Variants in ANKS1B observed in about 807,000 individuals in gnomAD.
ANKS1B encodes ankyrin repeat and sterile alpha motif domain-containing protein 1B.
ANKS1B carries 36 observed loss-of-function variants against 148.3 expected under a neutral mutation model. That is an observed-to-expected ratio of 0.24 (90% CI 0.19 to 0.32). The LOEUF is 0.32. ANKS1B is among the 10% of genes least tolerant of loss of function. ANKS1B has a pLI of 1.00. For missense variants in ANKS1B, 1,157 were observed against 1,542.6 expected (o/e 0.75, Z 4.19); for synonymous variants, 542 against 560.8 (o/e 0.97, Z 0.47).
chr12:99,982,135 T>C (rs1438111216), intron 1 of ANKS1B, among the ~76,000 whole-genome samples: 1 of 152,122 alleles, frequency 6.6e-6, no homozygotes, highest in South Asian at 2.1e-4. Flanking sequence ...TGGTTCGAAG[T>C]ACTCTAATAA....
intron 14 of ANKS1B, among the ~76,000 whole-genome samples, chr12:99,217,131 A>C (rs2084331744): frequency 6.6e-6 from 1 of 152,028 alleles, no homozygotes; most frequent in Non-Finnish European, 1.5e-5. Context: ...AGATAAGCAA[A>C]TTTTTATCTT....
At chr12:99,889,157 G>A (rs187210733) in intron 1 of ANKS1B, among the ~76,000 whole-genome samples, 1 of 152,218 alleles carries the variant, frequency 6.6e-6, no homozygotes, top group African/African-American at 2.4e-5. Context: ...TCACTTTATG[G>A]AGGAAGCACT....
At chr12:99,597,148 G>C (rs2097764939) in intron 9 of ANKS1B, among the ~76,000 whole-genome samples, 1 of 151,578 alleles carries the variant, frequency 6.6e-6, no homozygotes, top group Non-Finnish European at 1.5e-5. Context: ...ATTGTAATCT[G>C]TATTGCTCTA....
chr12:99,981,586 C>T (rs1474993866), intron 1 of ANKS1B, among the ~76,000 whole-genome samples: 2 of 152,060 alleles, frequency 1.3e-5, no homozygotes, highest in East Asian at 3.9e-4. Flanking sequence ...GTGAATAAAA[C>T]AGATTCAATG....
At chr12:99,393,127 T>TAGATAGATAGAC (rs1555414121) in intron 12 of ANKS1B, among the ~76,000 whole-genome samples, 21 of 151,826 alleles carry the variant, frequency 1.4e-4, no homozygotes, top group East Asian at 7.8e-4. Flanking sequence ...GATAGATAGA[T>TAGATAGATAGAC]AGACAGATAG....
chr12:99,163,551 T>C (rs556068111), intron 14 of ANKS1B, among the ~76,000 whole-genome samples: 2 of 151,464 alleles, frequency 1.3e-5, no homozygotes, highest in African/African-American at 2.4e-5. Flanking sequence ...GTGGCCATCA[T>C]CACAGTCGAG....
intron 14 of ANKS1B, among the ~76,000 whole-genome samples, chr12:99,199,365 C>T (rs1238337806): frequency 2.0e-5 from 3 of 152,090 alleles, no homozygotes; most frequent in Non-Finnish European, 2.9e-5. Flanking sequence ...TGTTGTTAGC[C>T]GTGGTTTTTT....
At chr12:99,377,727 GT>G (rs2093449333) in intron 12 of ANKS1B, among the ~76,000 whole-genome samples, 1 of 152,126 alleles carries the variant, frequency 6.6e-6, no homozygotes, top group South Asian at 2.1e-4. Context: ...ATTTGTTTAT[GT>G]TTAAAAATGT....
chr12:99,686,725 A>T (rs932129385), intron 8 of ANKS1B, among the ~76,000 whole-genome samples: 3 of 152,154 alleles, frequency 2.0e-5, no homozygotes, highest in African/African-American at 7.2e-5. Context: ...CTTCACACAT[A>T]CTATGAAAAC....
intron 17 of ANKS1B, among the ~76,000 whole-genome samples, chr12:98,984,603 A>C (rs1465540874): frequency 6.6e-6 from 1 of 152,232 alleles, no homozygotes; most frequent in Non-Finnish European, 1.5e-5. Context: ...TGGCCACTAC[A>C]TAACAAGACT....
intron 1 of ANKS1B, among the ~76,000 whole-genome samples, chr12:99,862,470 TAA>T (rs1464512234): frequency 6.6e-6 from 1 of 152,214 alleles, no homozygotes; most frequent in Non-Finnish European, 1.5e-5. Flanking sequence ...TCCTATGCTA[TAA>T]AATACTTCTT....
intron 10 of ANKS1B, among the ~76,000 whole-genome samples, chr12:99,482,284 G>T (rs551992142): frequency 2.0e-5 from 3 of 151,986 alleles, no homozygotes; most frequent in East Asian, 3.9e-4. Flanking sequence ...ATTAAATAGG[G>T]TGTCCATTCC....
At chr12:99,157,327 T>G (rs1566509465) in intron 14 of ANKS1B, among the ~76,000 whole-genome samples, 1 of 152,172 alleles carries the variant, frequency 6.6e-6, no homozygotes, top group East Asian at 1.9e-4. Flanking sequence ...TATAAATAGT[T>G]GAATATACTA....
Position 99,403,423 on chromosome 12 carries a change from C to T in ANKS1B, c.1576-3612G>A, listed in dbSNP as rs1171762044. Among the ~76,000 whole-genome samples, 53 of 144,536 alleles carry T rather than the reference C, an allele frequency of 3.7e-4. 6 individuals carry two copies. Among genetic ancestry groups the T allele is most frequent in the African/African-American group, 1.3e-3 (49 of 37,868 alleles). The allele number at this position is 144,536 out of a possible 152,430, so 94.8% of individuals were successfully genotyped here. A position where few individuals can be genotyped will look rare whatever the true frequency, so the allele number is the denominator to read the frequency against. On this transcript the variant is annotated intron_variant, in intron 11 of 26. Coordinates refer to ENST00000683438, the MANE Select transcript of ANKS1B (RefSeq NM_001352186.2). ...CTGCCCACCTCATCCTCCCAAAGTG[C>T]TGGGATTACAGGCGTGAACGACCAT...
chr12:99,822,001 A>C (rs1244767729), intron 2 of ANKS1B, among the ~76,000 whole-genome samples: 2 of 152,178 alleles, frequency 1.3e-5, no homozygotes, highest in Non-Finnish European at 2.9e-5. Flanking sequence ...AACTGAATAA[A>C]AATAAATACA....
chr12:99,877,011 C>T (rs1156946885), intron 1 of ANKS1B, among the ~76,000 whole-genome samples: 2 of 152,074 alleles, frequency 1.3e-5, no homozygotes, highest in African/African-American at 2.4e-5. Context: ...GCATTTAGCG[C>T]CATGCTTCTA....
At chr12:99,979,787 A>C in intron 1 of ANKS1B, among the ~76,000 whole-genome samples, 1 of 152,124 alleles carries the variant, frequency 6.6e-6, no homozygotes, top group Non-Finnish European at 1.5e-5. Flanking sequence ...ATATTCTCAC[A>C]GGAACAATGG....
At chr12:99,030,974 G>A (rs764744532) in intron 17 of ANKS1B, among the ~76,000 whole-genome samples, 12 of 152,216 alleles carry the variant, frequency 7.9e-5, no homozygotes, top group Non-Finnish European at 1.8e-4. Flanking sequence ...GAAGGGCCAA[G>A]AAGAGCACAG....
At chr12:99,109,202 T>C (rs1419814792) in intron 15 of ANKS1B, among the ~76,000 whole-genome samples, 1 of 152,098 alleles carries the variant, frequency 6.6e-6, no homozygotes, top group Non-Finnish European at 1.5e-5. Flanking sequence ...CTAGCTTCTG[T>C]CCTATTCTCT....
Sources: allele counts gnomAD v4.1 joint callset (sites outside exome capture counted in the v4.1 genomes callset), GRCh38; gene constraint gnomAD v4.1.1; transcripts MANE v1.5; gene names NCBI Gene and HGNC (gene_info 2026-07-23, HGNC 2026-07-21).